LARGE1: variants seen among roughly 807,000 people sequenced by gnomAD.
LARGE1 encodes xylosyl- and glucuronyltransferase LARGE1.
LARGE1 carries 43 observed loss-of-function variants against 87.6 expected under a neutral mutation model. That is an observed-to-expected ratio of 0.49 (90% CI 0.38 to 0.63). The LOEUF is 0.63. LARGE1 is among the 30% of genes least tolerant of loss of function. The pLI is 0.00. For missense variants in LARGE1, 802 were observed against 1,000.2 expected (o/e 0.80, Z 2.67); for synonymous variants, 434 against 394.6 (o/e 1.10, Z -1.18).
chr22:33,280,217 A>G (rs1930153938), intron 13 of LARGE1, among the ~76,000 whole-genome samples: 1 of 151,968 alleles, frequency 6.6e-6, no homozygotes, highest in Non-Finnish European at 1.5e-5. Context: ...TCTCTTGGCA[A>G]AACGGACACA....
chr22:33,409,573 G>A (rs2066231412), intron 7 of LARGE1, among the ~76,000 whole-genome samples: 1 of 151,886 alleles, frequency 6.6e-6, no homozygotes, highest in African/African-American at 2.4e-5. Flanking sequence ...AGCATGGGGT[G>A]TGACATTATG....
chr22:33,692,851 A>C, intron 2 of LARGE1, among the ~76,000 whole-genome samples: 1 of 152,222 alleles, frequency 6.6e-6, no homozygotes, highest in Non-Finnish European at 1.5e-5. Context: ...TATTAAAGAA[A>C]AAAAGGCAGA....
chr22:33,280,315 C>CA (rs58680121), intron 13 of LARGE1, among the ~76,000 whole-genome samples: 7,999 of 66,710 alleles, frequency 0.12, 390 homozygotes, highest in African/African-American at 0.15. Flanking sequence ...GGTAACTCCT[C>CA]AAAAAAAAAA....
chr22:33,106,361 A>T, the LARGE1 span, among the ~76,000 whole-genome samples: 1 of 152,234 alleles, frequency 6.6e-6, no homozygotes, highest in Admixed American at 6.5e-5. Flanking sequence ...CTAAGCCCTG[A>T]ATGAATGATC....
chr22:33,197,793 T>C (rs1353194541), intron 11 of LARGE1, among the ~76,000 whole-genome samples: 1 of 152,120 alleles, frequency 6.6e-6, no homozygotes, highest in African/African-American at 2.4e-5. Flanking sequence ...AATCCTAAAA[T>C]TGTTATGTAA....
At chr22:33,336,308 C>T (rs1165118853) in intron 10 of LARGE1, among the ~76,000 whole-genome samples, 1 of 152,160 alleles carries the variant, frequency 6.6e-6, no homozygotes, top group African/African-American at 2.4e-5. Flanking sequence ...TCAAGCAATT[C>T]TCCTACCTCA....
intron 3 of LARGE1, among the ~76,000 whole-genome samples, chr22:33,631,720 A>G (rs1475111942): frequency 2.6e-5 from 4 of 152,240 alleles, no homozygotes; most frequent in Non-Finnish European, 5.9e-5. Context: ...TAAAATAATG[A>G]TAGTATGATA....
chr22:33,583,177 T>C (rs2078571768), intron 5 of LARGE1, among the ~76,000 whole-genome samples: 3 of 152,156 alleles, frequency 2.0e-5, no homozygotes, highest in Non-Finnish European at 4.4e-5. Flanking sequence ...GAGCTAGACA[T>C]GATCCATCTC....
At chr22:33,418,416 TG>T (rs2066577533) in intron 7 of LARGE1, among the ~76,000 whole-genome samples, 1 of 151,752 alleles carries the variant, frequency 6.6e-6, no homozygotes, top group African/African-American at 2.4e-5. Context: ...AGGATGGGGG[TG>T]GGGGATTCTG....
intron 14 of LARGE1, among the ~76,000 whole-genome samples, chr22:33,276,739 G>A (rs781054177): frequency 2.0e-5 from 3 of 152,196 alleles, no homozygotes; most frequent in African/African-American, 4.8e-5. Context: ...TGTCTGTTAC[G>A]TGACTCAAAG....
intron 2 of LARGE1, among the ~76,000 whole-genome samples, chr22:33,661,980 G>A (rs183015697): frequency 2.8e-4 from 43 of 151,646 alleles, no homozygotes; most frequent in East Asian, 1.9e-4. Context: ...TCTAGAGCAG[G>A]GGTGTCCAAT....
intron 2 of LARGE1, among the ~76,000 whole-genome samples, chr22:33,673,507 CA>C (rs963917548): frequency 5.9e-5 from 9 of 152,064 alleles, no homozygotes; most frequent in Non-Finnish European, 1.3e-4. Context: ...CCATTCTTGT[CA>C]AAAAAATTAT....
chr22:33,432,667 A>T (rs1314052715), intron 6 of LARGE1, among the ~76,000 whole-genome samples: 1 of 152,160 alleles, frequency 6.6e-6, no homozygotes, highest in African/African-American at 2.4e-5. Context: ...CTATTTCTCA[A>T]GCATTCCCAT....
intron 10 of LARGE1, among the ~76,000 whole-genome samples, chr22:33,322,287 T>A (rs1415774988): frequency 5.3e-5 from 8 of 152,210 alleles, no homozygotes; most frequent in Non-Finnish European, 8.8e-5. Flanking sequence ...CCTAGCAATA[T>A]CCAGGTTCTA....
chr22:33,352,565 C>A (rs1304535053), intron 9 of LARGE1, among the ~76,000 whole-genome samples: 1 of 151,838 alleles, frequency 6.6e-6, no homozygotes, highest in East Asian at 1.9e-4. Context: ...ACCAGCCTGG[C>A]CAACACGGTG....
At chr22:33,596,253 G>C (rs1056636866) in intron 5 of LARGE1, among the ~76,000 whole-genome samples, 1 of 152,172 alleles carries the variant, frequency 6.6e-6, no homozygotes, top group Non-Finnish European at 1.5e-5. Context: ...ATTAGAGTTT[G>C]CATTCATTGT....
intron 11 of LARGE1, among the ~76,000 whole-genome samples, chr22:33,201,085 G>A (rs747061753): frequency 1.5e-4 from 23 of 152,138 alleles, no homozygotes; most frequent in Non-Finnish European, 2.9e-4. Flanking sequence ...GAGGCTGGGG[G>A]ATCACTTGAG....
At chr22:33,633,697 C>G (rs140481669) in intron 3 of LARGE1, among the ~76,000 whole-genome samples, 31 of 152,272 alleles carry the variant, frequency 2.0e-4, no homozygotes, top group African/African-American at 7.5e-4. Flanking sequence ...AGAGGCGAAA[C>G]CCATTTCAAC....
In LARGE1 at chr22:33,360,114, A is replaced by G. The variant is rs138835783; in HGVS notation, c.1131+21805T>C. Among the ~76,000 whole-genome samples the G allele has an allele frequency of 2.3e-4, 34 of 149,626 alleles. 2 individuals are homozygous for G. Among genetic ancestry groups the G allele is most frequent in the African/African-American group, 7.6e-4 (31 of 40,696 alleles). On this transcript the variant is annotated intron_variant, in intron 9 of 14. Transcript: ENST00000397394. ...AGATCACTTGAGGTTCGAGTTTGAG[A>G]CCAGTCTGGCCAACATGGTGAAACC...
Sources: gnomAD v4.1 joint callset for allele counts (sites outside exome capture counted in the v4.1 genomes callset) on GRCh38, gnomAD v4.1.1 for gene constraint, MANE v1.5 for transcripts, NCBI Gene and HGNC (gene_info 2026-07-23, HGNC 2026-07-21) for gene names.